The following DYNC1LI2 variants were observed in gnomAD, a reference collection of about 807,000 sequenced individuals.
The protein encoded by DYNC1LI2 is dynein cytoplasmic 1 light intermediate chain 2, also known as cytoplasmic dynein 1 light intermediate chain 2.
DYNC1LI2 carries 19 observed loss-of-function variants against 57.8 expected under a neutral mutation model. The observed-to-expected ratio is 0.33, with a 90% CI of 0.23 to 0.48. The LOEUF is 0.48. DYNC1LI2 is among the 20% of genes least tolerant of loss of function. DYNC1LI2 has a pLI of 0.99. For missense variants in DYNC1LI2, 470 were observed against 604.2 expected (o/e 0.78, Z 2.33); for synonymous variants, 256 against 233.4 (o/e 1.10, Z -0.88).
intron 12 of DYNC1LI2, among the ~76,000 whole-genome samples, chr16:66,725,504 C>A (rs2017522377): frequency 6.6e-6 from 1 of 152,062 alleles, no homozygotes; most frequent in Non-Finnish European, 1.5e-5. Context: ...GTCACTGGTA[C>A]ACCCTCCATG....
At chr16:66,742,092 C>T (rs2017849523) in intron 4 of DYNC1LI2, among the ~76,000 whole-genome samples, 1 of 152,146 alleles carries the variant, frequency 6.6e-6, no homozygotes, top group Non-Finnish European at 1.5e-5. Flanking sequence ...ACAGCAAACC[C>T]TCACATCCTC....
At chr16:66,750,240 G>GT (rs929547178) in intron 2 of DYNC1LI2, among the ~76,000 whole-genome samples, 10 of 152,148 alleles carry the variant, frequency 6.6e-5, no homozygotes, top group Non-Finnish European at 1.0e-4. Flanking sequence ...TAAGGGTCCG[G>GT]TATTACCTAC....
chr16:66,745,090 G>A (rs2017911400), intron 3 of DYNC1LI2, among the ~76,000 whole-genome samples: 1 of 151,194 alleles, frequency 6.6e-6, no homozygotes, highest in Non-Finnish European at 1.5e-5. Flanking sequence ...TGCATTTTTA[G>A]TAGAGACCGG....
intron 4 of DYNC1LI2, among the ~76,000 whole-genome samples, chr16:66,736,555 A>C (rs1044778166): frequency 6.6e-6 from 1 of 152,112 alleles, no homozygotes; most frequent in African/African-American, 2.4e-5. Context: ...TCTCTTGCCC[A>C]GGCTGAAGTG....
rs376572030 is a variant in DYNC1LI2, at chr16:66,742,622, G to T, written c.345C>A (p.His115Gln). The part of the protein sequence containing the change: ...NVWILDGDLY[H>Q]KGLLKFAVSA... The stretch of plus-strand genomic sequence containing the variant: ...AAACTGCAAATTTCAGCAGGCCTTT[G>T]TGGTACAAGTCTCCATCCAGAATCC... The change falls in exon 4 of 13, where the codon CAC becomes CAA. Residue 115 changes from histidine to glutamine, a missense_variant. Physicochemically the swap from His to Gln is conservative, Grantham distance 24 (BLOSUM62 0). Coordinates refer to ENST00000258198, the MANE Select transcript of DYNC1LI2 (RefSeq NM_006141.3). 3 of 1,614,094 alleles carry T rather than the reference G, an allele frequency of 1.9e-6. No homozygotes were observed. The highest frequency in any genetic ancestry group is 2.5e-6 in the Non-Finnish European group (3 of 1,180,056).
intron 9 of DYNC1LI2, 52 bp downstream of exon 9, chr16:66,728,987 CT>C: frequency 6.3e-7 from 1 of 1,593,228 alleles, no homozygotes. Flanking sequence ...ACCCTAGGGA[CT>C]GGCATTTCAT....
chr16:66,743,392 C>A (rs1343298328), intron 3 of DYNC1LI2, among the ~76,000 whole-genome samples: 1 of 151,532 alleles, frequency 6.6e-6, no homozygotes, highest in East Asian at 1.9e-4. Context: ...TAAAACCTGT[C>A]TCTATTAAAA....
At chr16:66,729,972 G>A in intron 8 of DYNC1LI2, 140 bp downstream of exon 8, 1 of 583,448 alleles carries the variant, frequency 1.7e-6, no homozygotes, top group East Asian at 3.3e-5. Flanking sequence ...GTGGAGATGG[G>A]GTTTTGCCAT....
At chr16:66,742,072 T>C (rs1253814319) in intron 4 of DYNC1LI2, among the ~76,000 whole-genome samples, 4 of 152,160 alleles carry the variant, frequency 2.6e-5, no homozygotes, top group African/African-American at 9.7e-5. Context: ...AAACTCAAGC[T>C]GCAGAGACCA....
chr16:66,727,059 A>C (rs2017549129), intron 11 of DYNC1LI2, among the ~76,000 whole-genome samples: 1 of 152,084 alleles, frequency 6.6e-6, no homozygotes, highest in Non-Finnish European at 1.5e-5. Context: ...ATGGGACTAC[A>C]GGCAAGCACC....
intron 4 of DYNC1LI2, among the ~76,000 whole-genome samples, chr16:66,737,911 G>C (rs1216333300): frequency 6.6e-6 from 1 of 152,152 alleles, no homozygotes; most frequent in Non-Finnish European, 1.5e-5. Context: ...AAGCTACCTT[G>C]AGCCAGAGAA....
intron 3 of DYNC1LI2, among the ~76,000 whole-genome samples, chr16:66,747,594 G>T (rs1326692325): frequency 6.7e-6 from 1 of 150,212 alleles, no homozygotes; most frequent in African/African-American, 2.5e-5. Context: ...TTTTAAGAAG[G>T]AGTCTCGTTT....
intron 3 of DYNC1LI2, among the ~76,000 whole-genome samples, chr16:66,747,596 G>C (rs891801729): frequency 6.7e-6 from 1 of 149,118 alleles, no homozygotes. Flanking sequence ...TTAAGAAGGA[G>C]TCTCGTTTTA....
intron 7 of DYNC1LI2, 151 bp from the exon 8 acceptor site, chr16:66,730,374 A>C (rs2017614614): frequency 1.6e-6 from 1 of 620,806 alleles, no homozygotes; most frequent in Non-Finnish European, 2.8e-6. Flanking sequence ...CAGATGTGCC[A>C]AAATACACTG....
chr16:66,729,729 CCA>C (rs1295028881), intron 8 of DYNC1LI2, among the ~76,000 whole-genome samples: 1 of 151,934 alleles, frequency 6.6e-6, no homozygotes, highest in East Asian at 1.9e-4. Flanking sequence ...GAATCAGCCA[CCA>C]CGCCCCATCT....
At chr16:66,728,035 C>G in intron 10 of DYNC1LI2, 166 bp downstream of exon 10, 1 of 1,013,426 alleles carries the variant, frequency 9.9e-7, no homozygotes, top group East Asian at 2.6e-5. Context: ...TCATCAGAAA[C>G]TTCTTGAGTT....
intron 4 of DYNC1LI2, among the ~76,000 whole-genome samples, chr16:66,742,024 C>T (rs1463279965): frequency 3.3e-5 from 5 of 151,812 alleles, no homozygotes; most frequent in Admixed American, 2.0e-4. Context: ...CCTGCCAACA[C>T]GAGGGTCCAT....
chr16:66,734,205 G>A lies in DYNC1LI2; in HGVS notation c.793+13C>T, dbSNP rs375431348. ...GCCTGTGACCCAGGCCCCACACAGC[G>A]CCCAAAGGATACACTGAAGGCAGAA... On this transcript the variant is annotated intron_variant, in intron 6 of 12. Coordinates refer to ENST00000258198, the MANE Select transcript of DYNC1LI2 (RefSeq NM_006141.3). 35 of 1,613,428 alleles carry A rather than the reference G, an allele frequency of 2.2e-5. No homozygotes were observed. Among genetic ancestry groups the A allele is most frequent in the Admixed American group, 1.7e-4 (10 of 59,936 alleles).
chr16:66,729,125 G>T, intron 8 of DYNC1LI2, 26 bp from the exon 9 acceptor site: 1 of 1,613,588 alleles, frequency 6.2e-7, no homozygotes, highest in South Asian at 1.1e-5. Flanking sequence ...CATGTTTGTG[G>T]CCACAGGCCA....
Sources: allele counts gnomAD v4.1 joint callset (sites outside exome capture counted in the v4.1 genomes callset), GRCh38; gene constraint gnomAD v4.1.1; transcripts MANE v1.5; gene names NCBI Gene and HGNC (gene_info 2026-07-23, HGNC 2026-07-21).